The following SYTL5 variants were observed in gnomAD, a reference collection of about 807,000 sequenced individuals.
SYTL5 encodes synaptotagmin like 5.
SYTL5 carries 34 observed loss-of-function variants against 55.9 expected under a neutral mutation model. The observed-to-expected ratio is 0.61, with a 90% CI of 0.46 to 0.81. The LOEUF (loss-of-function observed/expected upper bound fraction) is 0.81. Ranked by LOEUF, SYTL5 falls within the 30% of genes least tolerant of loss-of-function variation. The pLI, the probability that SYTL5 is intolerant of heterozygous loss-of-function variation, is 0.00. For synonymous variants in SYTL5, 221 were observed against 188.7 expected, an observed-to-expected ratio of 1.17 and a Z score of -1.40; for missense variants, 637 against 546.7, an observed-to-expected ratio of 1.17 and a Z score of -1.65.
the SYTL5 span, among the ~76,000 whole-genome samples, chrX:37,961,307 G>A: frequency 2.6e-4 from 29 of 111,385 alleles, no homozygotes; most frequent in East Asian, 1.7e-3. Flanking sequence ...GCATGGCATC[G>A]ACATCTGGCA....
At chrX:38,111,665 A>G (rs1230790866) in intron 13 of SYTL5, among the ~76,000 whole-genome samples, 8 of 112,290 alleles carry the variant, frequency 7.1e-5, no homozygotes, top group Non-Finnish European at 1.9e-5. Flanking sequence ...TAATGACTAC[A>G]GTGGCTGCAA....
chrX:38,005,601 G>A (rs767742186), upstream of SYTL5, among the ~76,000 whole-genome samples: 1 of 110,882 alleles, frequency 9.0e-6, no homozygotes, highest in South Asian at 3.8e-4. Flanking sequence ...CACACTAGAT[G>A]GGCTCACATT....
chrX:38,112,937 G>A (rs765453715), intron 13 of SYTL5, among the ~76,000 whole-genome samples: 2 of 112,352 alleles, frequency 1.8e-5, no homozygotes, highest in East Asian at 5.6e-4. Context: ...CCTAGTAATA[G>A]GGGATCAGAA....
the SYTL5 span, among the ~76,000 whole-genome samples, chrX:37,999,645 T>C: frequency 5.3e-5 from 6 of 112,207 alleles, no homozygotes; most frequent in East Asian, 8.4e-4. Context: ...TAGAATTTAC[T>C]TGGGGGACCA....
chrX:38,019,386 GTTC>G (rs1934466864), intron 1 of SYTL5, among the ~76,000 whole-genome samples: 1 of 111,607 alleles, frequency 9.0e-6, no homozygotes, highest in Non-Finnish European at 1.9e-5. Context: ...CTAGTTGTGT[GTTC>G]TTATGACTTT....
chrX:37,968,556 T>C, the SYTL5 span, among the ~76,000 whole-genome samples: 1 of 111,671 alleles, frequency 9.0e-6, no homozygotes, highest in East Asian at 2.8e-4. Flanking sequence ...TTTACCATGA[T>C]CCAGATAATA....
chrX:37,989,541 C>A, the SYTL5 span, among the ~76,000 whole-genome samples: 2 of 111,814 alleles, frequency 1.8e-5, no homozygotes, highest in South Asian at 7.5e-4. Flanking sequence ...GGATCAGAGT[C>A]ATCAAAGGGA....
At chrX:37,891,413 G>A in the SYTL5 span, among the ~76,000 whole-genome samples, 1 of 112,171 alleles carries the variant, frequency 8.9e-6, no homozygotes, top group African/African-American at 3.2e-5. Context: ...TATGTAAAAT[G>A]TCCAGAATAG....
intron 3 of SYTL5, among the ~76,000 whole-genome samples, chrX:38,065,234 A>G (rs1377200582): frequency 8.9e-6 from 1 of 111,822 alleles, no homozygotes; most frequent in Non-Finnish European, 1.9e-5. Context: ...AATTTATGTC[A>G]TCTCATTTTT....
At chrX:38,096,764 C>T (rs944672959) in intron 9 of SYTL5, among the ~76,000 whole-genome samples, 18 of 111,070 alleles carry the variant, frequency 1.6e-4, no homozygotes, top group African/African-American at 5.8e-4. Flanking sequence ...TAATAAAATA[C>T]GGACTCCTTG....
chrX:38,008,491 T>C (rs1934067594), intron 1 of SYTL5, among the ~76,000 whole-genome samples: 1 of 111,725 alleles, frequency 9.0e-6, no homozygotes, highest in African/African-American at 3.2e-5. Context: ...GGTGCTTCTG[T>C]TACTTGCAGA....
chrX:38,098,361 T>C (rs1936991427), intron 9 of SYTL5, among the ~76,000 whole-genome samples: 1 of 110,922 alleles, frequency 9.0e-6, no homozygotes, highest in Non-Finnish European at 1.9e-5. Flanking sequence ...AAAAGACAAA[T>C]AATCATATTA....
At chrX:38,114,354 C>A (rs1229814165) in intron 13 of SYTL5, among the ~76,000 whole-genome samples, 1 of 111,792 alleles carries the variant, frequency 8.9e-6, no homozygotes, top group Non-Finnish European at 1.9e-5. Context: ...CTGGATTAAT[C>A]TTTCTCTTCC....
At chrX:38,076,316 T>C (rs1030162916) in intron 5 of SYTL5, among the ~76,000 whole-genome samples, 7 of 111,673 alleles carry the variant, frequency 6.3e-5, no homozygotes, top group African/African-American at 2.3e-4. Context: ...GTTCTCAGAA[T>C]AGGCAGTCTT....
the SYTL5 span, chrX:37,991,411 A>AG: frequency 1.7e-6 from 1 of 581,858 alleles, no homozygotes; most frequent in South Asian, 3.5e-5. Flanking sequence ...AAGGCGGGGA[A>AG]GGGGTGGCCA....
the SYTL5 span, among the ~76,000 whole-genome samples, chrX:37,936,015 G>A: frequency 2.7e-5 from 3 of 111,844 alleles, no homozygotes; most frequent in Non-Finnish European, 3.8e-5. Flanking sequence ...TATGTCGAAA[G>A]TTAAAAATGG....
chrX:38,098,850 A>G (rs1937007837), intron 9 of SYTL5, among the ~76,000 whole-genome samples: 1 of 111,178 alleles, frequency 9.0e-6, no homozygotes, highest in Non-Finnish European at 1.9e-5. Context: ...GTACTGACAC[A>G]TACTACAACA....
chrX:37,986,387 G>A, the SYTL5 span, among the ~76,000 whole-genome samples: 1 of 111,043 alleles, frequency 9.0e-6, no homozygotes, highest in Admixed American at 9.6e-5. Flanking sequence ...GTGACTTGGG[G>A]CTGCATGTAC....
intron 1 of SYTL5, among the ~76,000 whole-genome samples, chrX:38,029,306 CA>C (rs956791809): frequency 5.4e-5 from 6 of 111,092 alleles, no homozygotes; most frequent in Non-Finnish European, 1.1e-4. Flanking sequence ...AACTTTTAGG[CA>C]AAAAAAAGTC....
Sources: gnomAD v4.1 joint callset for allele counts (sites outside exome capture counted in the v4.1 genomes callset) on GRCh38, gnomAD v4.1.1 for gene constraint, MANE v1.5 for transcripts, NCBI Gene and HGNC (gene_info 2026-07-23, HGNC 2026-07-21) for gene names.